Variants in HIVEP2 observed in about 807,000 individuals in gnomAD.
The protein encoded by HIVEP2 is transcription factor HIVEP2.
A neutral mutation model predicts 180.7 loss-of-function variants in HIVEP2; 14 were observed. The observed-to-expected ratio is 0.08, with a 90% CI of 0.05 to 0.12. The LOEUF (loss-of-function observed/expected upper bound fraction) is 0.12. Ranked by LOEUF, HIVEP2 falls within the 10% of genes least tolerant of loss-of-function variation. The pLI is 1.00. For synonymous variants in HIVEP2, 1,184 were observed against 1,136.4 expected (o/e 1.04, Z -0.84); for missense variants, 2,579 against 3,008.5 (o/e 0.86, Z 3.34).
Position 142,773,603 on chromosome 6 carries a change from T to C in HIVEP2, c.1136A>G (p.Gln379Arg), listed in dbSNP as rs1435468882. Reference sequence around the variant, plus strand: ...AAGGTTGAGCGATGGCTCAGAATCTTGTCCTTTTTTCTCTGACAGTCTTAG... The same window carrying C: ...AAGGTTGAGCGATGGCTCAGAATCTCGTCCTTTTTTCTCTGACAGTCTTAG... The part of the protein sequence containing the change: ...LALRLSEKKG[Q>R]DSEPSLNLLS... Residue 379 changes from glutamine to arginine, a missense_variant, in exon 5 of 10, where the codon CAA becomes CGA. By Grantham distance (43) the Gln-to-Arg change is conservative. Coordinates refer to ENST00000367603, the MANE Select transcript of HIVEP2 (RefSeq NM_006734.4). 1 of 1,614,228 alleles carries C rather than the reference T, an allele frequency of 6.2e-7. No individual in the cohort carries two copies. The highest frequency in any genetic ancestry group is 8.5e-7 in the Non-Finnish European group (1 of 1,180,034).
At chr6:142,825,695 T>C (rs184318475) in intron 2 of HIVEP2, among the ~76,000 whole-genome samples, 9 of 152,294 alleles carry the variant, frequency 5.9e-5, no homozygotes, top group African/African-American at 1.7e-4. Context: ...AACTTAATTC[T>C]CTAAGGCATC....
chr6:142,783,232 G>A (rs1775899528), intron 3 of HIVEP2, among the ~76,000 whole-genome samples: 1 of 142,592 alleles, frequency 7.0e-6, no homozygotes, highest in South Asian at 2.2e-4. Flanking sequence ...GGAGGCTGAG[G>A]CAGAAGAATC....
intron 1 of HIVEP2, among the ~76,000 whole-genome samples, chr6:142,900,830 G>C (rs957702148): frequency 3.3e-5 from 5 of 152,138 alleles, no homozygotes; most frequent in African/African-American, 1.2e-4. Context: ...AGTCTTGGAG[G>C]GTTGAGGTTT....
chr6:142,868,952 T>C (rs1776214726), intron 1 of HIVEP2, among the ~76,000 whole-genome samples: 1 of 152,212 alleles, frequency 6.6e-6, no homozygotes, highest in Admixed American at 6.5e-5. Context: ...TGTAGAATAA[T>C]GTAGATTTAG....
chr6:142,792,301 A>G (rs1776157006), intron 2 of HIVEP2, among the ~76,000 whole-genome samples: 2 of 152,220 alleles, frequency 1.3e-5, no homozygotes, highest in South Asian at 4.1e-4. Flanking sequence ...TTTTAAGGCA[A>G]GGAGACTTGG....
At chr6:142,868,602 A>C (rs1345830830) in intron 1 of HIVEP2, among the ~76,000 whole-genome samples, 2 of 152,198 alleles carry the variant, frequency 1.3e-5, no homozygotes, top group East Asian at 3.9e-4. Context: ...CAGTATGTGC[A>C]TGAGGAATAC....
At chr6:142,816,718 G>T (rs1369848371) in intron 2 of HIVEP2, among the ~76,000 whole-genome samples, 1 of 152,140 alleles carries the variant, frequency 6.6e-6, no homozygotes, top group Non-Finnish European at 1.5e-5. Flanking sequence ...AATGCACAAG[G>T]CTCTAAATCA....
chr6:142,830,274 A>G (rs73586551), intron 2 of HIVEP2, among the ~76,000 whole-genome samples: 6,705 of 152,218 alleles, frequency 0.044, 477 homozygotes, highest in African/African-American at 0.15. Context: ...GAAAAAGAGA[A>G]GTGCATGTGT....
At chr6:142,838,163 G>T (rs183696958) in intron 1 of HIVEP2, among the ~76,000 whole-genome samples, 147 of 152,174 alleles carry the variant, frequency 9.7e-4, no homozygotes, top group Non-Finnish European at 1.6e-3. Context: ...AAAAGATGTT[G>T]CTAACAATAG....
chr6:142,933,979 A>T (rs150894386), intron 1 of HIVEP2, among the ~76,000 whole-genome samples: 13 of 152,298 alleles, frequency 8.5e-5, no homozygotes, highest in Admixed American at 3.3e-4. Flanking sequence ...TTGTGACACA[A>T]GTGCATTAGT....
intron 2 of HIVEP2, among the ~76,000 whole-genome samples, chr6:142,831,624 G>T (rs943294497): frequency 6.6e-6 from 1 of 152,096 alleles, no homozygotes; most frequent in African/African-American, 2.4e-5. Flanking sequence ...TTTTTCAGAG[G>T]TCAATTATTT....
At chr6:142,919,078 T>C (rs556397405) in intron 1 of HIVEP2, among the ~76,000 whole-genome samples, 1 of 152,318 alleles carries the variant, frequency 6.6e-6, no homozygotes, top group Non-Finnish European at 1.5e-5. Flanking sequence ...CTACCAAATT[T>C]AATGACATTT....
chr6:142,757,651 C>A (rs958205553), intron 9 of HIVEP2, among the ~76,000 whole-genome samples: 2 of 151,926 alleles, frequency 1.3e-5, no homozygotes, highest in African/African-American at 4.8e-5. Flanking sequence ...AGCGAGACTC[C>A]ATCTCAAAAT....
At chr6:142,891,004 T>C (rs915652889) in intron 1 of HIVEP2, among the ~76,000 whole-genome samples, 3 of 152,204 alleles carry the variant, frequency 2.0e-5, no homozygotes, top group Admixed American at 6.5e-5. Context: ...TTTGTATATA[T>C]GGCCTGTTCT....
chr6:142,825,287 TACACACACAC>T (rs11468410), intron 2 of HIVEP2, among the ~76,000 whole-genome samples: 4 of 149,818 alleles, frequency 2.7e-5, no homozygotes, highest in South Asian at 4.3e-4. Context: ...AAAGTCCAAT[TACACACACAC>T]ACACACACAC....
chr6:142,821,427 C>T (rs1392892015), intron 2 of HIVEP2, among the ~76,000 whole-genome samples: 1 of 152,194 alleles, frequency 6.6e-6, no homozygotes. Flanking sequence ...ACCATGGAGC[C>T]AGAATACTTG....
At chr6:142,879,130 C>T (rs909374954) in intron 1 of HIVEP2, among the ~76,000 whole-genome samples, 24 of 152,130 alleles carry the variant, frequency 1.6e-4, no homozygotes, top group Admixed American at 3.3e-4. Flanking sequence ...GGCGATTTCT[C>T]ACTTTATGGA....
At chr6:142,937,103 A>G (rs1350838750) in intron 1 of HIVEP2, among the ~76,000 whole-genome samples, 4 of 152,088 alleles carry the variant, frequency 2.6e-5, no homozygotes, top group Non-Finnish European at 5.9e-5. Flanking sequence ...CTTCAGAATG[A>G]TTTTCCACAA....
At chr6:142,765,188 C>T (rs114147976) in intron 6 of HIVEP2, among the ~76,000 whole-genome samples, 187 of 152,224 alleles carry the variant, frequency 1.2e-3, no homozygotes, top group African/African-American at 4.4e-3. Context: ...TGTAATGCTC[C>T]ATGGAATTCA....
Sources: gnomAD v4.1 joint callset for allele counts (sites outside exome capture counted in the v4.1 genomes callset) on GRCh38, gnomAD v4.1.1 for gene constraint, MANE v1.5 for transcripts, NCBI Gene and HGNC (gene_info 2026-07-23, HGNC 2026-07-21) for gene names.